The following AKAP19 variants were observed in gnomAD, a reference collection of about 807,000 sequenced individuals.
AKAP19 encodes A-kinase anchoring protein 19, also known as small A-kinase anchoring protein.
At chr2:189,988,569 A>G in the AKAP19 span, among the ~76,000 whole-genome samples, 1 of 152,216 alleles carries the variant, frequency 6.6e-6, no homozygotes, top group African/African-American at 2.4e-5. Flanking sequence ...CTCAACAGAG[A>G]GAATCTTGCA....
the AKAP19 span, among the ~76,000 whole-genome samples, chr2:190,133,198 A>C: frequency 7.3e-6 from 1 of 137,496 alleles, no homozygotes; most frequent in Non-Finnish European, 1.5e-5. Context: ...AGATCACGCC[A>C]CTGCACTCCA....
At chr2:189,973,972 T>TA in the AKAP19 span, among the ~76,000 whole-genome samples, 2 of 152,204 alleles carry the variant, frequency 1.3e-5, no homozygotes, top group African/African-American at 4.8e-5. Flanking sequence ...TTTGTGTCTC[T>TA]ATTTCCTTCA....
chr2:189,940,866 G>C, the AKAP19 span, among the ~76,000 whole-genome samples: 1 of 152,110 alleles, frequency 6.6e-6, no homozygotes, highest in African/African-American at 2.4e-5. Context: ...ACTCCAACCT[G>C]GGCGACAGAG....
At chr2:190,199,781 T>A in the AKAP19 span, 2 of 1,558,506 alleles carry the variant, frequency 1.3e-6, no homozygotes, top group African/African-American at 2.7e-5. Context: ...CAACATCACA[T>A]GGACAAATTT....
At chr2:189,999,023 C>G in the AKAP19 span, among the ~76,000 whole-genome samples, 1 of 151,998 alleles carries the variant, frequency 6.6e-6, no homozygotes, top group Non-Finnish European at 1.5e-5. Context: ...CTGCCCACCA[C>G]AGCCTCCCAA....
chr2:190,178,259 G>A, the AKAP19 span, among the ~76,000 whole-genome samples: 1 of 152,160 alleles, frequency 6.6e-6, no homozygotes, highest in African/African-American at 2.4e-5. The surrounding 1 kb of genome is among the most constrained non-coding windows in gnomAD (Gnocchi z 6.3). Context: ...AAGTTCCCTC[G>A]ACGCATCTTC....
chr2:190,110,636 C>T, the AKAP19 span, among the ~76,000 whole-genome samples: 2 of 152,252 alleles, frequency 1.3e-5, no homozygotes, highest in African/African-American at 4.8e-5. Context: ...CCATTTATTT[C>T]CTACTCTTAC....
At chr2:189,932,893 A>G in the AKAP19 span, among the ~76,000 whole-genome samples, 1 of 152,052 alleles carries the variant, frequency 6.6e-6, no homozygotes, top group Non-Finnish European at 1.5e-5. Context: ...GGCTTTCTCT[A>G]TCAACTGAGT....
At chr2:190,045,254 G>A in the AKAP19 span, among the ~76,000 whole-genome samples, 1 of 152,200 alleles carries the variant, frequency 6.6e-6, no homozygotes, top group African/African-American at 2.4e-5. Context: ...TGGAGCAGCT[G>A]TGCTGTGCTG....
chr2:189,945,065 C>G, the AKAP19 span, among the ~76,000 whole-genome samples: 2 of 152,052 alleles, frequency 1.3e-5, no homozygotes, highest in East Asian at 3.9e-4. Flanking sequence ...ACATAACATA[C>G]CAAAATCTAT....
At chr2:189,892,342 T>C in the AKAP19 span, among the ~76,000 whole-genome samples, 3 of 152,204 alleles carry the variant, frequency 2.0e-5, no homozygotes, top group Admixed American at 2.0e-4. Context: ...TCAGCCTTTT[T>C]GCACTGGGTT....
the AKAP19 span, among the ~76,000 whole-genome samples, chr2:190,085,062 A>G: frequency 1.3e-5 from 2 of 152,130 alleles, no homozygotes; most frequent in African/African-American, 4.8e-5. Flanking sequence ...TGATTCCTTC[A>G]TTGCCAGACC....
the AKAP19 span, among the ~76,000 whole-genome samples, chr2:190,070,617 C>CA: frequency 1.6e-5 from 2 of 123,960 alleles, no homozygotes; most frequent in African/African-American, 7.2e-5. Flanking sequence ...CTCTCTCTCC[C>CA]CCCCCCCTTT....
At chr2:190,182,957 T>TATAA in the AKAP19 span, among the ~76,000 whole-genome samples, 4 of 152,262 alleles carry the variant, frequency 2.6e-5, no homozygotes, top group Admixed American at 2.6e-4. Context: ...TTTAATCTTA[T>TATAA]GTCATTCATC....
At chr2:189,963,088 A>T in the AKAP19 span, among the ~76,000 whole-genome samples, 1 of 152,040 alleles carries the variant, frequency 6.6e-6, no homozygotes, top group Non-Finnish European at 1.5e-5. Flanking sequence ...CCAGAAGTAG[A>T]TTCCATTTCA....
the AKAP19 span, among the ~76,000 whole-genome samples, chr2:190,088,563 C>T: frequency 6.6e-6 from 1 of 152,064 alleles, no homozygotes; most frequent in Admixed American, 6.6e-5. Context: ...AACTACTTAA[C>T]ATTCCAAAAA....
At chr2:190,195,941 C>CTTTTTTTTTTTTTT in the AKAP19 span, among the ~76,000 whole-genome samples, 5 of 86,194 alleles carry the variant, frequency 5.8e-5, no homozygotes, top group East Asian at 3.6e-4. Context: ...CTGTGTCCAG[C>CTTTTTTTTTTTTTT]TTTTTTTTTT....
chr2:190,059,279 G>T, the AKAP19 span, among the ~76,000 whole-genome samples: 9 of 151,826 alleles, frequency 5.9e-5, no homozygotes, highest in African/African-American at 2.2e-4. Context: ...CCCTAAATTT[G>T]TACTAGGAAT....
At chr2:190,004,189 G>A in the AKAP19 span, among the ~76,000 whole-genome samples, 2 of 151,820 alleles carry the variant, frequency 1.3e-5, no homozygotes, top group Non-Finnish European at 2.9e-5. Context: ...CGAGTTAATG[G>A]GTGCAGCACA....
Sources: gnomAD v4.1 joint callset for allele counts (sites outside exome capture counted in the v4.1 genomes callset) on GRCh38, gnomAD v4.1.1 for gene constraint, Gnocchi (gnomAD v3.1) non-coding constraint, MANE v1.5 for transcripts, NCBI Gene and HGNC (gene_info 2026-07-23, HGNC 2026-07-21) for gene names.